Variants in PCDHAC1 observed in about 807,000 individuals in gnomAD.
PCDHAC1 encodes protocadherin alpha subfamily C, 1, also known as protocadherin alpha-C1.
A neutral mutation model predicts 60.0 loss-of-function variants in PCDHAC1; 42 were observed. That is an observed-to-expected ratio of 0.70 (90% CI 0.55 to 0.90). PCDHAC1 has a LOEUF of 0.90. Ranked by LOEUF, PCDHAC1 falls within the 40% of genes least tolerant of loss-of-function variation. The probability of loss-of-function intolerance (pLI) is 0.00; values close to 1 mark genes in which losing one functional copy is unlikely to be tolerated. For missense variants in PCDHAC1, 1,160 were observed against 1,222.3 expected (o/e 0.95, Z 0.76); for synonymous variants, 468 against 499.3 (o/e 0.94, Z 0.84).
intron 3 of PCDHAC1, among the ~76,000 whole-genome samples, chr5:141,008,053 C>T (rs1554261648): frequency 6.6e-6 from 1 of 152,056 alleles, no homozygotes; most frequent in African/African-American, 2.4e-5. Context: ...AACAGGGGTC[C>T]AGTCCATCTA....
At position 140,927,269 on chromosome 5, in the gene PCDHAC1, C is replaced by T; in HGVS notation, c.377C>T (p.Ala126Val). The change falls in exon 1 of 4, where the codon GCC becomes GTC. Residue 126 changes from alanine to valine, a missense_variant. Transcript: ENST00000253807. ...AATGACAACTCACCTCTCTTTCCTGCCGGCGACGTGCAGCTGCACATCCCC... is the reference window on the plus strand; with the variant it reads ...AATGACAACTCACCTCTCTTTCCTGTCGGCGACGTGCAGCTGCACATCCCC... ...DTNDNSPLFPAGDVQLHIPEF... is the reference protein window; with the variant it reads ...DTNDNSPLFPVGDVQLHIPEF... The T allele has an allele frequency of 6.2e-7, 1 of 1,614,142 alleles. No homozygotes were observed. Among genetic ancestry groups the T allele is most frequent in the Non-Finnish European group, 8.5e-7 (1 of 1,180,038 alleles).
chr5:140,935,526 T>C (rs558710371), intron 1 of PCDHAC1, among the ~76,000 whole-genome samples: 3 of 152,232 alleles, frequency 2.0e-5, no homozygotes, highest in Non-Finnish European at 4.4e-5. Flanking sequence ...GCATGTACAG[T>C]CAAATTATTG....
intron 1 of PCDHAC1, among the ~76,000 whole-genome samples, chr5:140,961,220 G>T (rs2095597952): frequency 6.6e-6 from 1 of 152,032 alleles, no homozygotes; most frequent in Non-Finnish European, 1.5e-5. Flanking sequence ...GAAGAAACTG[G>T]GTCCCAAAAA....
rs533775539 is a variant in PCDHAC1 at position 140,927,702 on chromosome 5, C to T, written c.810C>T (p.Tyr270=). 1.2e-6 allele frequency: 2 copies of T among 1,614,210 alleles called. No individual in the cohort carries two copies. The highest frequency in any genetic ancestry group is 1.1e-5 in the South Asian group (1 of 91,084). The change falls in exon 1 of 4, where the codon TAC becomes TAT. Residue 270 remains tyrosine, a synonymous_variant. Transcript: ENST00000253807. ...AAGGGTCCAATGGGGAAGTCCAGTA[C>T]TCCCTAAGCAACAGCACGCAAGCAG... is the stretch of plus-strand genomic sequence containing the variant. ...PDEGSNGEVQ[Y]SLSNSTQAEL... is the part of the protein sequence containing the mutation.
chr5:140,926,863 G>T lies in PCDHAC1; in HGVS notation c.-30G>T, dbSNP rs2083606655. On this transcript the variant is annotated 5_prime_UTR_variant, in exon 1 of 4. Transcript: ENST00000253807. Reference sequence around the variant, plus strand: ...TCCTGGGTCACCGTTGGTGTAGCGTGTTGGTGGAACGTGGACGCCTAGAGG... The same window carrying T: ...TCCTGGGTCACCGTTGGTGTAGCGTTTTGGTGGAACGTGGACGCCTAGAGG... The T allele has an allele frequency of 3.9e-6, 6 of 1,523,054 alleles. No individual in the cohort carries two copies. Among genetic ancestry groups the T allele is most frequent in the Non-Finnish European group, 5.3e-6 (6 of 1,135,288 alleles). The allele number at this position is 1,523,054 out of a possible 1,614,324, so 94.3% of individuals were successfully genotyped here.
rs556593659 is a variant in PCDHAC1, at chr5:140,966,652, G to A, written c.2434-12297G>A. ...CCCAGGCGCTTTCTAGAGCGTGAGC[G>A]GTGGGGGAGCAGGCGCAGGGTGGCA... On this transcript the variant is annotated intron_variant, in intron 1 of 3. Coordinates refer to ENST00000253807, the MANE Select transcript of PCDHAC1 (RefSeq NM_018898.5). 1.0e-5 allele frequency: 12 copies of A among 1,169,200 alleles called. No homozygotes were observed. In the Admixed American group the frequency reaches 2.0e-4, roughly 19 times the overall value. The allele number at this position is 1,169,200 out of a possible 1,614,324, so 72.4% of individuals were successfully genotyped here.
chr5:140,943,571 G>A (rs1164273913), intron 1 of PCDHAC1, among the ~76,000 whole-genome samples: 4 of 152,152 alleles, frequency 2.6e-5, no homozygotes, highest in Admixed American at 2.6e-4. Context: ...ATTTTAATTT[G>A]TTGATCTGAG....
At position 140,927,060 on chromosome 5, in the gene PCDHAC1, CT is replaced by C; in HGVS notation, c.170del (p.Phe57SerfsTer39). ...CCGCTATGTCCTCGCGGAACTTTCG[CT>C]TCCTTTCCAGCCACCGCGAGCTCTA... Reference protein sequence around the residue: ...AAAMSSRNFRFLSSHRELYFG... With the variant: ...AAAMSSRNFRXLSSHRELYFG... On this transcript the variant is annotated frameshift_variant, in exon 1 of 4. Coordinates refer to ENST00000253807, the MANE Select transcript of PCDHAC1 (RefSeq NM_018898.5). LOFTEE classifies it high-confidence loss of function. The C allele has an allele frequency of 1.2e-6, 2 of 1,611,446 alleles. No individual in the cohort carries two copies. The highest frequency in any genetic ancestry group is 1.7e-6 in the Non-Finnish European group (2 of 1,178,168).
chr5:140,973,894 G>A (rs1161980569), intron 1 of PCDHAC1, among the ~76,000 whole-genome samples: 1 of 152,194 alleles, frequency 6.6e-6, no homozygotes, highest in African/African-American at 2.4e-5. Flanking sequence ...ATTTGCAAAT[G>A]TTTGAGGAAA....
intron 1 of PCDHAC1, among the ~76,000 whole-genome samples, chr5:140,942,906 G>C (rs1454697434): frequency 6.6e-6 from 1 of 151,800 alleles, no homozygotes; most frequent in African/African-American, 2.4e-5. Context: ...CTAAGAATAA[G>C]CGTGAAGAAA....
intron 3 of PCDHAC1, 71 bp from the exon 4 acceptor site, chr5:141,009,556 A>T: frequency 6.4e-7 from 1 of 1,564,868 alleles, no homozygotes; most frequent in Non-Finnish European, 8.7e-7. Flanking sequence ...GTACTCCTGT[A>T]CTCTACCAGC....
chr5:140,965,672 A>G (rs1586083629), intron 1 of PCDHAC1, among the ~76,000 whole-genome samples: 1 of 152,360 alleles, frequency 6.6e-6, no homozygotes, highest in South Asian at 2.1e-4. Context: ...TGATAAATGT[A>G]AAAGATTTGA....
rs201932518 is a variant in PCDHAC1 at position 140,927,472 on chromosome 5, G to A, written c.580G>A (p.Glu194Lys). Reference sequence around the variant, plus strand: ...GGTGTTGGAGAAAGCACTGGATCGCGAACAGCGCGCCACCCACCTGCTGGT... The same window carrying A: ...GGTGTTGGAGAAAGCACTGGATCGCAAACAGCGCGCCACCCACCTGCTGGT... ...ELVLEKALDR[E>K]QRATHLLVLT... is the part of the protein sequence containing the mutation. The change falls in exon 1 of 4, where the codon GAA (glutamate) becomes AAA (lysine). Residue 194 changes from glutamate to lysine, a missense_variant. Physicochemically the swap from Glu to Lys is moderately conservative, Grantham distance 56. Around this residue, in one of 3 missense-constraint regions of PCDHAC1, gnomAD observed 1,113 missense variants for 1,163.7 expected, o/e 0.96. Coordinates refer to ENST00000253807, the MANE Select transcript of PCDHAC1 (RefSeq NM_018898.5). The A allele has an allele frequency of 1.6e-4, 264 of 1,614,094 alleles. No individual in the cohort carries two copies. Among genetic ancestry groups the A allele is most frequent in the Non-Finnish European group, 2.0e-4 (236 of 1,180,034 alleles).
intron 1 of PCDHAC1, among the ~76,000 whole-genome samples, chr5:140,959,554 A>G (rs1375729843): frequency 6.6e-6 from 1 of 152,210 alleles, no homozygotes; most frequent in Non-Finnish European, 1.5e-5. Context: ...TATAAATAGA[A>G]TCAGTACTAG....
At chr5:140,979,894 C>G (rs1183667310) in intron 2 of PCDHAC1, among the ~76,000 whole-genome samples, 2 of 152,206 alleles carry the variant, frequency 1.3e-5, no homozygotes, top group African/African-American at 4.8e-5. Context: ...ATTCACCAAA[C>G]TTAGATCAGT....
intron 1 of PCDHAC1, among the ~76,000 whole-genome samples, chr5:140,973,877 A>G (rs782563295): frequency 6.6e-6 from 1 of 152,234 alleles, no homozygotes; most frequent in Non-Finnish European, 1.5e-5. Context: ...AGGTCAGAAT[A>G]ATGTCAATTT....
At chr5:141,002,565 G>A (rs782803550) in intron 3 of PCDHAC1, among the ~76,000 whole-genome samples, 9 of 152,196 alleles carry the variant, frequency 5.9e-5, no homozygotes, top group Non-Finnish European at 2.9e-5. Flanking sequence ...ACCAGTTAGT[G>A]ACCATGTGAC....
At chr5:140,983,621 A>G (rs1271083054) in intron 3 of PCDHAC1, among the ~76,000 whole-genome samples, 5 of 152,250 alleles carry the variant, frequency 3.3e-5, no homozygotes, top group African/African-American at 1.2e-4. Flanking sequence ...CAGAGAGATT[A>G]AGAAATGTAC....
At chr5:140,944,846 G>A (rs269554) in intron 1 of PCDHAC1, among the ~76,000 whole-genome samples, 33,882 of 151,952 alleles carry the variant, frequency 0.22, 4,860 homozygotes, top group African/African-American at 0.41. Context: ...TGAGATATTA[G>A]AATCATCCTT....
Sources: allele counts gnomAD v4.1 joint callset (sites outside exome capture counted in the v4.1 genomes callset), GRCh38; gene constraint gnomAD v4.1.1; regional missense constraint gnomAD v4.1.1; transcripts MANE v1.5; gene names NCBI Gene and HGNC (gene_info 2026-07-23, HGNC 2026-07-21).